The following CEP68 variants were observed in gnomAD, a reference collection of about 807,000 sequenced individuals.
CEP68 encodes centrosomal protein of 68 kDa.
A neutral mutation model predicts 55.3 loss-of-function variants in CEP68; 26 were observed. The observed-to-expected ratio is 0.47, with a 90% CI of 0.34 to 0.65. The LOEUF (loss-of-function observed/expected upper bound fraction) is 0.65, where lower values mean the gene tolerates loss of function less well. CEP68 is among the 30% of genes least tolerant of loss of function. The pLI is 0.01. For synonymous variants in CEP68, 402 were observed against 383.2 expected (o/e 1.05, Z -0.57); for missense variants, 957 against 946.7 (o/e 1.01, Z -0.14).
At position 65,086,852 on chromosome 2, in the gene CEP68, A is replaced by G. The variant is rs1669042571; in HGVS notation, c.*3218A>G. ...GAATAGATCCACCAAGCACGCCTAT[A>G]ATACAAAGTAAACTATGATTTTTAT... On this transcript the variant is annotated 3_prime_UTR_variant, in exon 7 of 7. Transcript: ENST00000377990. 6.5e-6 allele frequency: 1 copy of G among 152,682 alleles called. No homozygotes were observed. The highest frequency in any genetic ancestry group is 2.1e-4 in the South Asian group (1 of 4,832). 9.5% of individuals were successfully genotyped at this position (152,682 alleles called of 1,614,324 possible).
rs369695066 is a variant in CEP68, at chr2:65,077,999, T to C, written c.2104+35T>C. 1.5e-5 allele frequency: 23 copies of C among 1,532,170 alleles called. No individual in the cohort carries two copies. In the African/African-American group the frequency reaches 2.6e-4, roughly 17 times the overall value. The allele number at this position is 1,532,170 out of a possible 1,614,324, so 94.9% of individuals were successfully genotyped here. ...TTAAGGTTTTGGATTTAGCCAGAGC[T>C]TAATCCCTGTCAGCAGCAGGCCCAG... On this transcript the variant is annotated intron_variant, in intron 5 of 6. Coordinates refer to ENST00000377990, the MANE Select transcript of CEP68 (RefSeq NM_015147.3).
chr2:65,068,456 C>T (rs1280834553), intron 1 of CEP68, among the ~76,000 whole-genome samples: 5 of 152,194 alleles, frequency 3.3e-5, no homozygotes, highest in African/African-American at 1.2e-4. Flanking sequence ...CTTACCCTAC[C>T]ACTGTTACCC....
chr2:65,081,630 T>G (rs1454926834), intron 5 of CEP68, among the ~76,000 whole-genome samples: 1 of 152,250 alleles, frequency 6.6e-6, no homozygotes, highest in Non-Finnish European at 1.5e-5. Context: ...CATCCCTTCC[T>G]CACATGAACA....
intron 5 of CEP68, among the ~76,000 whole-genome samples, chr2:65,081,068 G>A (rs145998337): frequency 2.2e-3 from 342 of 152,124 alleles, no homozygotes; most frequent in African/African-American, 7.7e-3. Context: ...AATATTAGCC[G>A]GGCGTGGTGG....
intron 1 of CEP68, among the ~76,000 whole-genome samples, chr2:65,064,568 A>T (rs1676066425): frequency 6.6e-6 from 1 of 152,014 alleles, no homozygotes. Context: ...CCCCATCTCT[A>T]CTAAAAATAC....
Position 65,072,984 on chromosome 2 carries a change from A to G in CEP68, c.1884+4A>G. On this transcript the variant is annotated splice_donor_region_variant and intron_variant, in intron 3 of 6. Coordinates refer to ENST00000377990, the MANE Select transcript of CEP68 (RefSeq NM_015147.3). ...ATCACTGGTGCAATGTGTGAAGGTAATGACACTCAACGTTAGGAAGCTTTG... is the reference window on the plus strand; with the variant it reads ...ATCACTGGTGCAATGTGTGAAGGTAGTGACACTCAACGTTAGGAAGCTTTG... 1 of 1,614,166 alleles carries G rather than the reference A, an allele frequency of 6.2e-7. No individual in the cohort carries two copies. The highest frequency in any genetic ancestry group is 2.2e-5 in the East Asian group (1 of 44,890).
intron 4 of CEP68, 141 bp from the exon 5 acceptor site, chr2:65,077,727 G>T: frequency 1.8e-6 from 1 of 555,350 alleles, no homozygotes; most frequent in Non-Finnish European, 3.2e-6. Flanking sequence ...CTGTTTACTT[G>T]GGGAATTCTG....
chr2:65,080,438 T>C (rs1156945022), intron 5 of CEP68: 1 of 985,408 alleles, frequency 1.0e-6, no homozygotes, highest in Non-Finnish European at 1.2e-6. Flanking sequence ...CAAAAGTCCA[T>C]AGAGCCAGCC....
At chr2:65,069,843 C>A (rs770208495) in intron 2 of CEP68, 42 bp downstream of exon 2, 3 of 1,528,864 alleles carry the variant, frequency 2.0e-6, no homozygotes, top group Non-Finnish European at 2.7e-6. Context: ...CATTGCTGTC[C>A]TTTGGGAGTT....
intron 1 of CEP68, among the ~76,000 whole-genome samples, chr2:65,068,123 G>A (rs1676284971): frequency 6.6e-6 from 1 of 152,166 alleles, no homozygotes; most frequent in Non-Finnish European, 1.5e-5. Flanking sequence ...TTGGCCCAGT[G>A]CACTCCGGGT....
Position 65,071,807 on chromosome 2 carries a change from C to T in CEP68, c.711C>T (p.Ser237=). 6.2e-7 allele frequency: 1 copy of T among 1,608,026 alleles called. No homozygotes were observed. Among genetic ancestry groups the T allele is most frequent in the Non-Finnish European group, 8.5e-7 (1 of 1,176,078 alleles). ...AGCCGGTCGTCCCCCAGGAACCTTC[C>T]TCTGTGGTGGGGCTAGGACCTCGGC... ...SLEPVVPQEP[S]SVVGLGPRPQ... Residue 237 remains serine, a synonymous_variant, in exon 3 of 7, where the codon TCC becomes TCT. Coordinates refer to ENST00000377990, the MANE Select transcript of CEP68 (RefSeq NM_015147.3).
rs1669030971 is a variant in CEP68 at position 65,086,483 on chromosome 2, G to T, written c.*2849G>T. 2 of 152,130 alleles carry T rather than the reference G, an allele frequency of 1.3e-5. No individual in the cohort carries two copies. 9.4% of individuals were successfully genotyped at this position (152,130 alleles called of 1,614,324 possible). ...ATCTTAAGGCATGCTGAAATTTGTTGTAAATCCCAATCTTTACTGCCATGG... is the reference window on the plus strand; with the variant it reads ...ATCTTAAGGCATGCTGAAATTTGTTTTAAATCCCAATCTTTACTGCCATGG... On this transcript the variant is annotated 3_prime_UTR_variant, in exon 7 of 7. Coordinates refer to ENST00000377990, the MANE Select transcript of CEP68 (RefSeq NM_015147.3).
At chr2:65,067,791 TC>T (rs1385925570) in intron 1 of CEP68, among the ~76,000 whole-genome samples, 1 of 152,208 alleles carries the variant, frequency 6.6e-6, no homozygotes, top group Non-Finnish European at 1.5e-5. Context: ...TCTGATTAGT[TC>T]CTGCCCCACC....
In CEP68 at chr2:65,074,776, C is replaced by CA. The variant is rs71394918; in HGVS notation, c.2007+380dup. 3.4e-3 allele frequency: 776 copies of CA among 228,236 alleles called. 10 individuals carry two copies. Among genetic ancestry groups the CA allele is most frequent in the African/African-American group, 0.02 (728 of 36,414 alleles). The allele number at this position is 228,236 out of a possible 1,614,324, so 14.1% of individuals were successfully genotyped here. A position where few individuals can be genotyped will look rare whatever the true frequency, so the allele number is the denominator to read the frequency against. On this transcript the variant is annotated intron_variant, in intron 4 of 6. Coordinates refer to ENST00000377990, the MANE Select transcript of CEP68 (RefSeq NM_015147.3). ...GCAACATAGCAAGACCCCCCCCCCT[C>CA]AAAAAAAAGTTTTTTCTTAATTAAA...
Position 65,072,032 on chromosome 2 carries a change from G to A in CEP68, c.936G>A (p.Gly312=). The A allele has an allele frequency of 6.2e-7, 1 of 1,613,492 alleles. No homozygotes were observed. Among genetic ancestry groups the A allele is most frequent in the Non-Finnish European group, 8.5e-7 (1 of 1,179,988 alleles). The change falls in exon 3 of 7, where the codon GGG becomes GGA. Residue 312 remains glycine (G), a synonymous_variant. Transcript: ENST00000377990. ...LLDYTYPLRP[G]PQLPKHLDSR... The stretch of plus-strand genomic sequence containing the variant: ...ACTATACTTACCCACTGAGGCCCGG[G>A]CCTCAGCTCCCAAAGCACCTTGATA...
At chr2:65,073,850 T>A (rs996725173) in intron 3 of CEP68, 3 of 178,736 alleles carry the variant, frequency 1.7e-5, no homozygotes, top group African/African-American at 7.2e-5. Context: ...GATAAAAGAT[T>A]GAGATGCCAT....
At position 65,075,902 on chromosome 2, in the gene CEP68, C is replaced by A. The variant is rs78178735; in HGVS notation, c.2007+1498C>A. On this transcript the variant is annotated intron_variant, in intron 4 of 6. Coordinates refer to ENST00000377990, the MANE Select transcript of CEP68 (RefSeq NM_015147.3). Reference sequence around the variant, plus strand: ...AGCTGACTGAGGGCCTTCCTGGGACCGTACTCCAGCTAGAGGAAGGGAGGG... The same window carrying A: ...AGCTGACTGAGGGCCTTCCTGGGACAGTACTCCAGCTAGAGGAAGGGAGGG... 5.1e-4 allele frequency among the ~76,000 whole-genome samples: 78 copies of A among 152,174 alleles called. 1 individual carries two copies. The highest frequency in any genetic ancestry group is 1.8e-3 in the African/African-American group (76 of 41,546).
intron 5 of CEP68, among the ~76,000 whole-genome samples, chr2:65,078,502 G>A (rs1676865267): frequency 6.6e-6 from 1 of 152,168 alleles, no homozygotes; most frequent in Admixed American, 6.5e-5. Context: ...AGGGGACAGG[G>A]TGGCAGTAGT....
intron 1 of CEP68, among the ~76,000 whole-genome samples, chr2:65,065,966 A>C (rs1214687461): frequency 6.6e-6 from 1 of 151,738 alleles, no homozygotes; most frequent in African/African-American, 2.4e-5. Flanking sequence ...AAAAAAAAAA[A>C]AAAAAACACA....
Sources: gnomAD v4.1 joint callset for allele counts (sites outside exome capture counted in the v4.1 genomes callset) on GRCh38, gnomAD v4.1.1 for gene constraint, MANE v1.5 for transcripts, NCBI Gene and HGNC (gene_info 2026-07-23, HGNC 2026-07-21) for gene names.